Variants in PREX1 observed in about 807,000 individuals in gnomAD.
The protein encoded by PREX1 is phosphatidylinositol 3,4,5-trisphosphate-dependent Rac exchanger 1 protein.
A neutral mutation model predicts 198.3 loss-of-function variants in PREX1; 41 were observed. The ratio of observed to expected loss-of-function variants is 0.21; its 90% CI spans 0.16 to 0.27. The LOEUF (loss-of-function observed/expected upper bound fraction) is 0.27, where lower values mean the gene tolerates loss of function less well. Ranked by LOEUF, PREX1 falls within the 10% of genes least tolerant of loss-of-function variation. The pLI, the probability that PREX1 is intolerant of heterozygous loss-of-function variation, is 1.00. For missense variants in PREX1, 1,620 were observed against 2,200.7 expected, an observed-to-expected ratio of 0.74 and a Z score of 5.28; for synonymous variants, 843 against 887.2, an observed-to-expected ratio of 0.95 and a Z score of 0.89.
At chr20:48,772,834 C>A (rs988439503) in intron 1 of PREX1, among the ~76,000 whole-genome samples, 6 of 152,200 alleles carry the variant, frequency 3.9e-5, no homozygotes, top group African/African-American at 1.4e-4. Flanking sequence ...TATCCCTGGG[C>A]AGGTCACTAC....
intron 16 of PREX1, 46 bp downstream of exon 16, chr20:48,659,873 A>C: frequency 6.2e-7 from 1 of 1,611,636 alleles, no homozygotes; most frequent in Non-Finnish European, 8.5e-7. Flanking sequence ...CCATGCCTGC[A>C]GGGGGCTCTG....
intron 25 of PREX1, among the ~76,000 whole-genome samples, chr20:48,648,077 AT>A (rs911987043): frequency 8.7e-5 from 13 of 149,436 alleles, no homozygotes; most frequent in Non-Finnish European, 1.5e-4. Flanking sequence ...TAATTTTAGG[AT>A]TTTTTTTTTA....
chr20:48,647,974 T>C (rs2089463836), intron 25 of PREX1, among the ~76,000 whole-genome samples: 1 of 152,220 alleles, frequency 6.6e-6, no homozygotes, highest in Non-Finnish European at 1.5e-5. Context: ...GGTGCAATCA[T>C]GGCTTACTGC....
intron 15 of PREX1, among the ~76,000 whole-genome samples, chr20:48,663,941 C>A (rs1214600512): frequency 2.0e-5 from 3 of 152,136 alleles, no homozygotes; most frequent in African/African-American, 7.2e-5. Context: ...GGACTGTTAT[C>A]TGTCCTGGTC....
At chr20:48,773,266 CAAAAAAAAAA>C (rs55740822) in intron 1 of PREX1, among the ~76,000 whole-genome samples, 4 of 65,916 alleles carry the variant, frequency 6.1e-5, no homozygotes, top group African/African-American at 2.7e-4. Flanking sequence ...GACTTGGTCT[CAAAAAAAAAA>C]AAAAAAAAAA....
chr20:48,729,615 A>G (rs2090025649), intron 4 of PREX1, among the ~76,000 whole-genome samples: 1 of 152,108 alleles, frequency 6.6e-6, no homozygotes, highest in Non-Finnish European at 1.5e-5. Flanking sequence ...CCAAAACCCT[A>G]AAGTCATATT....
intron 1 of PREX1, among the ~76,000 whole-genome samples, chr20:48,761,577 T>C (rs28741053): frequency 0.073 from 10,692 of 146,620 alleles, 499 homozygotes; most frequent in South Asian, 0.2. Flanking sequence ...AAAAAACAAG[T>C]TGCAACAACC....
At chr20:48,690,155 T>C (rs946558377) in intron 9 of PREX1, among the ~76,000 whole-genome samples, 1 of 152,164 alleles carries the variant, frequency 6.6e-6, no homozygotes, top group Non-Finnish European at 1.5e-5. Context: ...AGTGTGAGCA[T>C]CTACGACACC....
chr20:48,878,817 G>A, the PREX1 span, among the ~76,000 whole-genome samples: 1 of 152,216 alleles, frequency 6.6e-6, no homozygotes, highest in Non-Finnish European at 1.5e-5. Flanking sequence ...GGATGGGCAT[G>A]TGACCCAACT....
intron 1 of PREX1, among the ~76,000 whole-genome samples, chr20:48,784,398 T>C (rs2090302931): frequency 6.6e-6 from 1 of 152,184 alleles, no homozygotes; most frequent in Non-Finnish European, 1.5e-5. Context: ...CTAAATACAG[T>C]TACTGACGGG....
chr20:48,633,942 T>C (rs1384483143), intron 33 of PREX1, among the ~76,000 whole-genome samples: 1 of 152,188 alleles, frequency 6.6e-6, no homozygotes, highest in Non-Finnish European at 1.5e-5. Flanking sequence ...GTGCTCAAAA[T>C]TATGGACATG....
At chr20:48,703,553 G>A (rs965534915) in intron 6 of PREX1, among the ~76,000 whole-genome samples, 5 of 152,206 alleles carry the variant, frequency 3.3e-5, no homozygotes, top group Non-Finnish European at 7.3e-5. Flanking sequence ...AGTCCCTGGA[G>A]CCCACGTGCC....
intron 5 of PREX1, among the ~76,000 whole-genome samples, chr20:48,714,277 A>G (rs945642712): frequency 7.9e-5 from 12 of 152,228 alleles, no homozygotes; most frequent in African/African-American, 2.7e-4. Context: ...AAATGACACT[A>G]CCCCAACGTG....
At chr20:48,696,525 C>T (rs915089050) in intron 7 of PREX1, among the ~76,000 whole-genome samples, 1 of 152,176 alleles carries the variant, frequency 6.6e-6, no homozygotes, top group African/African-American at 2.4e-5. Context: ...CCTAGCTTGA[C>T]CTTCTTCATA....
the PREX1 span, among the ~76,000 whole-genome samples, chr20:48,852,979 A>G: frequency 0.041 from 6,243 of 152,122 alleles, 434 homozygotes; most frequent in African/African-American, 0.14. Flanking sequence ...GTATGTGGGG[A>G]ATATTTATAT....
rs2090513909 is a variant in PREX1, at chr20:48,827,351, T to TA, written c.219+290dup. 2.0e-5 allele frequency among the ~76,000 whole-genome samples: 3 copies of TA among 152,092 alleles called. No homozygotes were observed. Among genetic ancestry groups the TA allele is most frequent in the Admixed American group, 1.3e-4 (2 of 15,284 alleles). On this transcript the variant is annotated intron_variant, in intron 1 of 39. Coordinates refer to ENST00000371941, the MANE Select transcript of PREX1 (RefSeq NM_020820.4). The surrounding 1 kb of genome is among the most constrained non-coding windows in gnomAD (Gnocchi z 4.1). ...CCTGCATCGCGGATGTAACTAATTT[T>TA]AAAACTATTTGAAAGGCGGGGACGG... is the stretch of plus-strand genomic sequence containing the variant.
intron 1 of PREX1, among the ~76,000 whole-genome samples, chr20:48,808,316 A>T (rs191204377): frequency 6.6e-6 from 1 of 152,234 alleles, no homozygotes; most frequent in African/African-American, 2.4e-5. Context: ...TTATCAGCTC[A>T]TGCAGTTCAT....
the PREX1 span, among the ~76,000 whole-genome samples, chr20:48,858,358 TCA>T: frequency 6.6e-6 from 1 of 152,284 alleles, no homozygotes; most frequent in South Asian, 2.1e-4. Context: ...CAATCTCCTC[TCA>T]CACACAGGCA....
intron 15 of PREX1, among the ~76,000 whole-genome samples, chr20:48,660,610 G>A (rs1005603480): frequency 6.6e-6 from 1 of 152,188 alleles, no homozygotes; most frequent in Non-Finnish European, 1.5e-5. Context: ...TTGTCCTAGA[G>A]AAGAAAAGGA....
Sources: allele counts gnomAD v4.1 joint callset (sites outside exome capture counted in the v4.1 genomes callset), GRCh38; gene constraint gnomAD v4.1.1; non-coding constraint Gnocchi (gnomAD v3.1); transcripts MANE v1.5; gene names NCBI Gene and HGNC (gene_info 2026-07-23, HGNC 2026-07-21).